The following TAOK1 variants were observed in gnomAD, a reference collection of about 807,000 sequenced individuals.
TAOK1 encodes serine/threonine-protein kinase TAO1.
In TAOK1, 21 loss-of-function variants were observed where a neutral mutation model predicts 138.3. The ratio of observed to expected loss-of-function variants is 0.15; its 90% confidence interval spans 0.11 to 0.22. The LOEUF (loss-of-function observed/expected upper bound fraction) is 0.22. Ranked by LOEUF, TAOK1 falls within the 10% of genes least tolerant of loss-of-function variation. The probability of loss-of-function intolerance (pLI) is 1.00; values close to 1 mark genes in which losing one functional copy is unlikely to be tolerated. For synonymous variants in TAOK1, 361 were observed against 398.4 expected (o/e 0.91, Z 1.12); for missense variants, 651 against 1,227.7 (o/e 0.53, Z 7.02).
chr17:29,465,864 T>TTTTTTTTTTTTC, intron 2 of TAOK1, among the ~76,000 whole-genome samples: 1 of 131,902 alleles, frequency 7.6e-6, no homozygotes, highest in East Asian at 2.2e-4. Context: ...TTTTTTTTTT[T>TTTTTTTTTTTTC]CAGATTTTCC....
intron 2 of TAOK1, among the ~76,000 whole-genome samples, chr17:29,456,838 A>G (rs764997420): frequency 6.7e-6 from 1 of 149,684 alleles, no homozygotes; most frequent in Non-Finnish European, 1.5e-5. Context: ...GGTTCACTCC[A>G]TTCTCCTGCG....
intron 1 of TAOK1, among the ~76,000 whole-genome samples, chr17:29,397,625 T>TCC (rs1358184934): frequency 1.6e-5 from 1 of 62,514 alleles, no homozygotes; most frequent in African/African-American, 1.1e-4. Context: ...TATATATATA[T>TCC]ATATACATGT....
Position 29,549,071 on chromosome 17 carries a change from A to G in TAOK1, c.*6049A>G, listed in dbSNP as rs2032448294. On this transcript the variant is annotated 3_prime_UTR_variant, in exon 20 of 20. Transcript: ENST00000261716. ...AAGTGTTTTAATGTTTATGTAAATTATGCAGGTGATAACATGGTTTGGAAC... is the reference window on the plus strand; with the variant it reads ...AAGTGTTTTAATGTTTATGTAAATTGTGCAGGTGATAACATGGTTTGGAAC... 1.3e-5 allele frequency: 2 copies of G among 152,208 alleles called. No individual in the cohort carries two copies. The highest frequency in any genetic ancestry group is 4.1e-4 in the South Asian group (2 of 4,830). 9.4% of individuals were successfully genotyped at this position (152,208 alleles called of 1,614,324 possible).
At chr17:29,455,688 G>T (rs73276522) in intron 2 of TAOK1, among the ~76,000 whole-genome samples, 5,997 of 149,250 alleles carry the variant, frequency 0.04, 879 homozygotes, top group African/African-American at 0.15. Context: ...GAAAGTATTG[G>T]ATTCTGTCAA....
At position 29,516,711 on chromosome 17, in the gene TAOK1, C is replaced by T. The variant is rs147362870; in HGVS notation, c.1705-742C>T. Among the ~76,000 whole-genome samples the T allele has an allele frequency of 4.1e-4, 62 of 151,292 alleles. 1 individual carries two copies. In the East Asian group the frequency reaches 0.011, roughly 28 times the overall value. On this transcript the variant is annotated intron_variant, in intron 15 of 19. Transcript: ENST00000261716. ...AGGCCGGGTTTCTCCATGTTGGTCA[C>T]GCTGGTCTCGAACTCCCAACCTCAG... is the stretch of plus-strand genomic sequence containing the variant.
At chr17:29,457,908 A>T (rs1444408810) in intron 2 of TAOK1, among the ~76,000 whole-genome samples, 2 of 152,028 alleles carry the variant, frequency 1.3e-5, no homozygotes, top group African/African-American at 4.8e-5. Context: ...CAGGAGATCG[A>T]GACCATCCTG....
chr17:29,476,760 A>T (rs2030950963), intron 4 of TAOK1, among the ~76,000 whole-genome samples: 3 of 152,162 alleles, frequency 2.0e-5, no homozygotes, highest in Non-Finnish European at 4.4e-5. Context: ...TTATAATACC[A>T]CAATGTGAAT....
rs1357079922 is a variant in TAOK1, at chr17:29,549,281, T to G, written c.*6259T>G. ...CCAAAGTATTAAAGGCTGATGAACA[T>G]AGACAAGGGAAATGCATTTCTTAGA... On this transcript the variant is annotated 3_prime_UTR_variant, in exon 20 of 20. Coordinates refer to ENST00000261716, the MANE Select transcript of TAOK1 (RefSeq NM_020791.4). The G allele has an allele frequency of 6.6e-6, 1 of 152,186 alleles. No individual in the cohort carries two copies. The highest frequency in any genetic ancestry group is 1.5e-5 in the Non-Finnish European group (1 of 68,012). 9.4% of individuals were successfully genotyped at this position (152,186 alleles called of 1,614,324 possible).
chr17:29,410,409 C>A (rs1905109541), intron 1 of TAOK1, among the ~76,000 whole-genome samples: 1 of 151,986 alleles, frequency 6.6e-6, no homozygotes, highest in Admixed American at 6.6e-5. Context: ...CACCACCACG[C>A]CTGGCTAATT....
At chr17:29,397,647 T>TTCATGCATGATACATGTATACATGTATAC (rs1384681685) in intron 1 of TAOK1, among the ~76,000 whole-genome samples, 6 of 61,564 alleles carry the variant, frequency 9.7e-5, no homozygotes, top group Admixed American at 3.5e-4. Context: ...TACATGTATA[T>TTCATGCATGATACATGTATACATGTATAC]ATGTATATTC....
chr17:29,497,955 AT>A (rs2031445776), intron 11 of TAOK1, among the ~76,000 whole-genome samples: 1 of 152,078 alleles, frequency 6.6e-6, no homozygotes, highest in Non-Finnish European at 1.5e-5. Context: ...ACCAAGAATT[AT>A]TGAGAAATGA....
chr17:29,494,866 G>T (rs992848529), intron 10 of TAOK1, among the ~76,000 whole-genome samples: 1 of 149,652 alleles, frequency 6.7e-6, no homozygotes, highest in Non-Finnish European at 1.5e-5. Context: ...AGGATATTTC[G>T]TAGAACTCAA....
Position 29,391,232 on chromosome 17 carries a change from C to G in TAOK1, c.-95+208C>G, listed in dbSNP as rs150203247. Among the ~76,000 whole-genome samples the G allele has an allele frequency of 9.1e-4, 138 of 152,192 alleles. No individual in the cohort carries two copies. In the East Asian group the frequency reaches 0.024, roughly 26 times the overall value. Reference sequence around the variant, plus strand: ...GCGAGAGCAATTCCATTCCTTTTTCCTGAGGGTCACCGGAAGGGGTGGTGG... The same window carrying G: ...GCGAGAGCAATTCCATTCCTTTTTCGTGAGGGTCACCGGAAGGGGTGGTGG... On this transcript the variant is annotated intron_variant, in intron 1 of 19. Transcript: ENST00000261716.
chr17:29,538,644 A>G (rs1379063158), intron 19 of TAOK1, among the ~76,000 whole-genome samples: 2 of 152,226 alleles, frequency 1.3e-5, no homozygotes, highest in Non-Finnish European at 2.9e-5. Context: ...AGTGAATGTT[A>G]GTTGATTCTA....
chr17:29,423,070 T>G (rs1211166022), intron 1 of TAOK1, among the ~76,000 whole-genome samples: 1 of 151,884 alleles, frequency 6.6e-6, no homozygotes, highest in Non-Finnish European at 1.5e-5. Flanking sequence ...TGACTTTTCT[T>G]TATTGGTTTC....
chr17:29,538,132 G>T (rs1449551977), intron 19 of TAOK1, among the ~76,000 whole-genome samples: 2 of 146,470 alleles, frequency 1.4e-5, no homozygotes, highest in African/African-American at 4.9e-5. Flanking sequence ...AAAAAAAAAG[G>T]TAAACATGGC....
intron 19 of TAOK1, among the ~76,000 whole-genome samples, chr17:29,536,705 T>C (rs1435582876): frequency 2.0e-5 from 3 of 149,516 alleles, no homozygotes; most frequent in African/African-American, 7.3e-5. Flanking sequence ...TCAAACTTTT[T>C]TTTTTTTTTT....
chr17:29,434,029 C>T (rs1598479681), intron 1 of TAOK1, among the ~76,000 whole-genome samples: 3 of 152,150 alleles, frequency 2.0e-5, no homozygotes, highest in South Asian at 2.1e-4. Flanking sequence ...ACAGACAAAC[C>T]GGGTTATTAG....
chr17:29,461,470 T>C (rs939338549), intron 2 of TAOK1, among the ~76,000 whole-genome samples: 22 of 152,302 alleles, frequency 1.4e-4, no homozygotes, highest in African/African-American at 4.8e-4. Context: ...CAAGAATTTT[T>C]CTATAGACAG....
Sources: allele counts gnomAD v4.1 joint callset (sites outside exome capture counted in the v4.1 genomes callset), GRCh38; gene constraint gnomAD v4.1.1; transcripts MANE v1.5; gene names NCBI Gene and HGNC (gene_info 2026-07-23, HGNC 2026-07-21).